Variants in ATP8A1 observed in about 807,000 individuals in gnomAD.
ATP8A1 encodes ATPase phospholipid transporting 8A1.
ATP8A1 carries 90 observed loss-of-function variants against 177.7 expected under a neutral mutation model. That is an observed-to-expected ratio of 0.51 (90% confidence interval 0.43 to 0.60). The LOEUF (loss-of-function observed/expected upper bound fraction) is 0.60. Ranked by LOEUF, ATP8A1 falls within the 20% of genes least tolerant of loss-of-function variation. The pLI, the probability that ATP8A1 is intolerant of heterozygous loss-of-function variation, is 0.00. For missense variants in ATP8A1, 1,072 were observed against 1,392.8 expected (o/e 0.77, Z 3.67); for synonymous variants, 493 against 485.9 (o/e 1.01, Z -0.19).
chr4:42,578,109 T>C, intron 12 of ATP8A1, 151 bp downstream of exon 12: 1 of 693,872 alleles, frequency 1.4e-6, no homozygotes, highest in Non-Finnish European at 2.2e-6. Context: ...GATTCTGAGA[T>C]GAGGAACTTT....
chr4:42,467,018 C>CA (rs1719844949), intron 25 of ATP8A1, among the ~76,000 whole-genome samples: 1 of 152,126 alleles, frequency 6.6e-6, no homozygotes, highest in African/African-American at 2.4e-5. Flanking sequence ...GAAGTTACAC[C>CA]AAGGGTTCAA....
intron 20 of ATP8A1, among the ~76,000 whole-genome samples, chr4:42,539,583 T>A (rs1334146365): frequency 6.6e-6 from 1 of 151,888 alleles, no homozygotes; most frequent in Non-Finnish European, 1.5e-5. Flanking sequence ...CCAAACAACA[T>A]GGTATTGGTA....
At chr4:42,579,038 A>G (rs1732752752) in intron 11 of ATP8A1, among the ~76,000 whole-genome samples, 1 of 152,046 alleles carries the variant, frequency 6.6e-6, no homozygotes, top group African/African-American at 2.4e-5. Context: ...TAAAAATACC[A>G]GTTTTTGCTA....
At chr4:42,594,969 C>A (rs1489654175) in intron 6 of ATP8A1, among the ~76,000 whole-genome samples, 1 of 152,080 alleles carries the variant, frequency 6.6e-6, no homozygotes, top group Non-Finnish European at 1.5e-5. Context: ...TAGCATTTTT[C>A]TGAGCCTGGC....
At chr4:42,470,860 G>A (rs2153185009) in intron 25 of ATP8A1, among the ~76,000 whole-genome samples, 1 of 152,228 alleles carries the variant, frequency 6.6e-6, no homozygotes, top group East Asian at 1.9e-4. Context: ...GAGGGGATCT[G>A]CTGTGCTTTT....
chr4:42,563,763 T>C (rs1731078146), intron 15 of ATP8A1, among the ~76,000 whole-genome samples: 2 of 152,154 alleles, frequency 1.3e-5, no homozygotes, highest in Non-Finnish European at 2.9e-5. Flanking sequence ...TTGGCAGCTT[T>C]CATGCAGTGT....
rs537928077 is a variant in ATP8A1, at chr4:42,594,564, T to C, written c.451-3680A>G. On this transcript the variant is annotated intron_variant, in intron 6 of 36. Transcript: ENST00000381668. Reference sequence around the variant, plus strand: ...TTTAAAAAAAATGAACATTGTATATTGGATATATAACTTATCTTGATAAAA... The same window carrying C: ...TTTAAAAAAAATGAACATTGTATATCGGATATATAACTTATCTTGATAAAA... Among the ~76,000 whole-genome samples the C allele has an allele frequency of 5.9e-5, 9 of 152,220 alleles. No individual in the cohort carries two copies. The South Asian group carries it at 1.9e-3, about 32-fold the overall frequency.
intron 30 of ATP8A1, among the ~76,000 whole-genome samples, chr4:42,448,396 C>CTTTACTTTTTTTTTT (rs778022629): frequency 0.037 from 3,114 of 83,580 alleles, 774 homozygotes; most frequent in African/African-American, 0.076. Context: ...CCTTCTCTTT[C>CTTTACTTTTTTTTTT]TTTTCTTTTT....
chr4:42,423,623 T>C lies in ATP8A1; in HGVS notation c.3206A>G (p.Tyr1069Cys), dbSNP rs774990376. The change falls in exon 34 of 37, where the codon TAC (tyrosine) becomes TGC (cysteine). Residue 1069 changes from tyrosine to cysteine, a missense_variant. This residue lies in a region of ATP8A1 where 316 missense variants were observed against 459.1 expected (regional missense o/e 0.69). Transcript: ENST00000381668. ...TAACTGAGTATATACTTACACCTTG[T>C]ACACCACATCAAGGAGCAGAGATGC... ...PVASLLLDVV[Y>C]KVIKRTAFKT... 3.7e-6 allele frequency: 6 copies of C among 1,608,726 alleles called. No homozygotes were observed. Among genetic ancestry groups the C allele is most frequent in the East Asian group, 2.2e-5 (1 of 44,782 alleles).
intron 22 of ATP8A1, among the ~76,000 whole-genome samples, chr4:42,508,776 T>C (rs185891289): frequency 6.0e-4 from 92 of 152,114 alleles, no homozygotes; most frequent in Admixed American, 1.4e-3. Flanking sequence ...CTTGCCTTCA[T>C]TTTTTTTCCA....
At chr4:42,561,683 G>A (rs959405771) in intron 15 of ATP8A1, 4 of 152,252 alleles carry the variant, frequency 2.6e-5, no homozygotes, top group Non-Finnish European at 4.4e-5. Flanking sequence ...AGCCTCTGTA[G>A]GGAGCACCAC....
chr4:42,462,406 G>A (rs1255843877), intron 27 of ATP8A1, among the ~76,000 whole-genome samples: 2 of 152,254 alleles, frequency 1.3e-5, no homozygotes, highest in Non-Finnish European at 2.9e-5. Context: ...AGACATGGCT[G>A]AAAGGGGCCA....
At chr4:42,603,519 T>G (rs543766375) in intron 5 of ATP8A1, among the ~76,000 whole-genome samples, 1 of 152,320 alleles carries the variant, frequency 6.6e-6, no homozygotes, top group African/African-American at 2.4e-5. Context: ...AATTTCTCTT[T>G]GTGAACAATG....
intron 14 of ATP8A1, among the ~76,000 whole-genome samples, chr4:42,569,939 C>A (rs1462886962): frequency 6.6e-6 from 1 of 152,104 alleles, no homozygotes; most frequent in Admixed American, 6.6e-5. Flanking sequence ...ACATGACAGA[C>A]CAGATTTTTT....
intron 14 of ATP8A1, among the ~76,000 whole-genome samples, chr4:42,573,609 C>T (rs1243853864): frequency 6.6e-6 from 1 of 152,180 alleles, no homozygotes; most frequent in East Asian, 1.9e-4. Context: ...CTCGTTTATA[C>T]ATATAGTTTA....
At chr4:42,479,584 C>T (rs10517033) in intron 25 of ATP8A1, among the ~76,000 whole-genome samples, 16,180 of 152,146 alleles carry the variant, frequency 0.11, 1,059 homozygotes, top group Middle Eastern at 0.19. Flanking sequence ...ATTTGTATTT[C>T]ACTGAAGAAC....
At chr4:42,611,478 C>A (rs1009711390) in intron 5 of ATP8A1, among the ~76,000 whole-genome samples, 2 of 152,224 alleles carry the variant, frequency 1.3e-5, no homozygotes, top group Admixed American at 6.5e-5. Context: ...CTATCTCCCA[C>A]ACATTCTCAT....
intron 27 of ATP8A1, 103 bp from the exon 28 acceptor site, chr4:42,455,702 A>G: frequency 3.1e-6 from 3 of 966,584 alleles, no homozygotes; most frequent in South Asian, 3.3e-5. Flanking sequence ...CAGCATTAAC[A>G]TATTATACTC....
At chr4:42,445,983 G>A (rs1717171715) in intron 31 of ATP8A1, among the ~76,000 whole-genome samples, 1 of 150,578 alleles carries the variant, frequency 6.6e-6, no homozygotes, top group Admixed American at 6.6e-5. Context: ...AGGAGGCTGA[G>A]GCAGGAGAAT....
Sources: allele counts gnomAD v4.1 joint callset (sites outside exome capture counted in the v4.1 genomes callset), GRCh38; gene constraint gnomAD v4.1.1; regional missense constraint gnomAD v4.1.1; transcripts MANE v1.5; gene names NCBI Gene and HGNC (gene_info 2026-07-23, HGNC 2026-07-21).